The following PMM2 variants were observed in gnomAD, a reference collection of about 807,000 sequenced individuals.
PMM2 encodes the protein mannose-6-phosphate isomerase.
In PMM2, 35 loss-of-function variants were observed where a neutral mutation model predicts 33.2. That is an observed-to-expected ratio of 1.06 (90% CI 0.81 to 1.40). PMM2 has a LOEUF of 1.40. PMM2 is among the 40% of genes most tolerant of loss of function. The pLI is 0.00. For missense variants in PMM2, 386 were observed against 306.0 expected (o/e 1.26, Z -1.95); for synonymous variants, 153 against 114.7 (o/e 1.33, Z -2.13).
In PMM2 at chr16:8,825,050, A is replaced by C. The variant is rs146406420; in HGVS notation, c.639+11944A>C. On this transcript the variant is annotated intron_variant, in intron 7 of 7. Transcript: ENST00000268261. Reference sequence around the variant, plus strand: ...CTAGTTTTGTTTTTGTTGTTGTTTGAGGTGGAGTCTCGCTCTGTTGCCCAG... The same window carrying C: ...CTAGTTTTGTTTTTGTTGTTGTTTGCGGTGGAGTCTCGCTCTGTTGCCCAG... Among the ~76,000 whole-genome samples, 683 of 152,308 alleles carry C rather than the reference A, an allele frequency of 4.5e-3. 6 individuals carry two copies. The highest frequency in any genetic ancestry group is 0.015 in the African/African-American group (642 of 41,568).
At chr16:8,815,681 T>C (rs574066287) in intron 7 of PMM2, among the ~76,000 whole-genome samples, 8 of 152,208 alleles carry the variant, frequency 5.3e-5, no homozygotes, top group South Asian at 4.1e-4. Flanking sequence ...CATCTACCCA[T>C]GGATTAAAGA....
In PMM2 at chr16:8,813,608, G is replaced by A. The variant is rs552234877; in HGVS notation, c.639+502G>A. 7.9e-5 allele frequency among the ~76,000 whole-genome samples: 12 copies of A among 152,238 alleles called. No homozygotes were observed. In the East Asian group the frequency reaches 2.3e-3, roughly 29 times the overall value. On this transcript the variant is annotated intron_variant, in intron 7 of 7. Coordinates refer to ENST00000268261, the MANE Select transcript of PMM2 (RefSeq NM_000303.3). ...TGAGTCCCAGGCATCACACACGGCG[G>A]GTGCTTGGAGCTGCCCCCAAGGGAT...
At chr16:8,835,044 TG>T (rs1264609854) in intron 7 of PMM2, among the ~76,000 whole-genome samples, 1 of 149,826 alleles carries the variant, frequency 6.7e-6, no homozygotes, top group East Asian at 2.0e-4. Context: ...TTACGAGAAA[TG>T]TAGAGAGTGA....
At chr16:8,800,695 T>G (rs1337024032) in intron 1 of PMM2, among the ~76,000 whole-genome samples, 1 of 152,062 alleles carries the variant, frequency 6.6e-6, no homozygotes, top group Non-Finnish European at 1.5e-5. Context: ...TTGTTTTGTT[T>G]TGTTTTGAGA....
intron 7 of PMM2, among the ~76,000 whole-genome samples, chr16:8,833,379 T>C (rs995877979): frequency 6.6e-6 from 1 of 152,202 alleles, no homozygotes; most frequent in African/African-American, 2.4e-5. Context: ...TTTTTACTTT[T>C]GCGGATCTTC....
intron 2 of PMM2, chr16:8,802,277 A>C (rs1456638117): frequency 6.6e-6 from 3 of 454,976 alleles, no homozygotes; most frequent in Non-Finnish European, 8.8e-6. Flanking sequence ...TCACCTCCCC[A>C]TCACTGAAAC....
chr16:8,835,957 C>G (rs149329943), intron 7 of PMM2, among the ~76,000 whole-genome samples: 7,527 of 149,662 alleles, frequency 0.05, 252 homozygotes, highest in Middle Eastern at 0.12. Flanking sequence ...TTCAGGAATA[C>G]TCAGGGAAGC....
chr16:8,805,128 G>GCTCA (rs1221487270), intron 3 of PMM2, among the ~76,000 whole-genome samples: 1 of 152,112 alleles, frequency 6.6e-6, no homozygotes, highest in African/African-American at 2.4e-5. Flanking sequence ...CACGATCTCA[G>GCTCA]CTCACTACAA....
intron 3 of PMM2, 114 bp downstream of exon 3, chr16:8,804,957 C>G (rs929319108): frequency 5.6e-6 from 4 of 712,554 alleles, no homozygotes; most frequent in Non-Finnish European, 1.0e-5. Flanking sequence ...AATCTTTACT[C>G]TGTATTTTTT....
intron 7 of PMM2, chr16:8,832,667 CA>C (rs771468082): frequency 2.2e-5 from 22 of 985,350 alleles, no homozygotes; most frequent in Non-Finnish European, 2.7e-5. Context: ...ATTGCGTCCT[CA>C]CCCCGCACCC....
intron 7 of PMM2, among the ~76,000 whole-genome samples, chr16:8,840,724 G>A (rs2060884237): frequency 6.6e-6 from 1 of 152,014 alleles, no homozygotes; most frequent in South Asian, 2.1e-4. Flanking sequence ...GGAACGGTGA[G>A]CCTAGTGGGG....
At chr16:8,843,209 G>A (rs1023003387) in intron 7 of PMM2, among the ~76,000 whole-genome samples, 3 of 152,122 alleles carry the variant, frequency 2.0e-5, no homozygotes, top group Non-Finnish European at 4.4e-5. Context: ...AAGGGAAACA[G>A]GCCCTTGAAA....
chr16:8,804,021 G>GTTTTTTTTTT (rs113764347), intron 2 of PMM2, among the ~76,000 whole-genome samples: 2 of 72,574 alleles, frequency 2.8e-5, no homozygotes, highest in African/African-American at 9.7e-5. Flanking sequence ...TTGTTTTTTG[G>GTTTTTTTTTT]GTTTTTTTTG....
At chr16:8,816,897 G>C (rs8048087) in intron 7 of PMM2, among the ~76,000 whole-genome samples, 19,169 of 152,148 alleles carry the variant, frequency 0.13, 1,763 homozygotes, top group African/African-American at 0.26. Context: ...GTTCCACTTA[G>C]AGATATATAT....
chr16:8,808,519 C>G (rs2060659065), intron 4 of PMM2: 1 of 152,206 alleles, frequency 6.6e-6, no homozygotes, highest in African/African-American at 2.4e-5. Context: ...CACATTTGTC[C>G]ACATTTGCCT....
intron 7 of PMM2, among the ~76,000 whole-genome samples, chr16:8,833,999 G>C (rs1444590807): frequency 6.6e-6 from 1 of 151,836 alleles, no homozygotes; most frequent in Non-Finnish European, 1.5e-5. Flanking sequence ...ATGGCGAATA[G>C]GAATATGACT....
intron 7 of PMM2, among the ~76,000 whole-genome samples, chr16:8,837,849 A>AG (rs1042055519): frequency 1.3e-5 from 2 of 152,092 alleles, no homozygotes; most frequent in African/African-American, 4.8e-5. Flanking sequence ...TTAAACACCA[A>AG]GGGAAGGCTG....
rs80338709 is a variant in PMM2 at position 8,847,806 on chromosome 16, G to C, written c.722G>C (p.Cys241Ser). The change falls in exon 8 of 8, where the codon TGT (cysteine) becomes TCT (serine). Residue 241 changes from cysteine (C) to serine (S), a missense_variant. Cys to Ser is a moderately radical substitution (Grantham distance 112). Transcript: ENST00000268261. ...VTAPEDTRRI[C>S]ELLFS ...GCGCCTGAGGACACGCGCAGGATCT[G>C]TGAACTGCTGTTCTCCTAACGTGGG... The C allele has an allele frequency of 6.4e-5, 104 of 1,613,056 alleles. No homozygotes were observed. Among genetic ancestry groups the C allele is most frequent in the African/African-American group, 6.4e-4 (48 of 74,928 alleles).
intron 7 of PMM2, among the ~76,000 whole-genome samples, chr16:8,844,236 A>G (rs943453742): frequency 1.5e-4 from 23 of 151,992 alleles, no homozygotes; most frequent in African/African-American, 4.8e-4. Flanking sequence ...TAAGTTCTTG[A>G]GAACACAGGC....
Sources: allele counts gnomAD v4.1 joint callset (sites outside exome capture counted in the v4.1 genomes callset), GRCh38; gene constraint gnomAD v4.1.1; transcripts MANE v1.5; gene names NCBI Gene and HGNC (gene_info 2026-07-23, HGNC 2026-07-21).